Variants in TRAT1 observed in about 807,000 individuals in gnomAD.
TRAT1 encodes the protein T cell receptor associated transmembrane adaptor 1.
In TRAT1, 20 loss-of-function variants were observed where a neutral mutation model predicts 20.0. That is an observed-to-expected ratio of 1.00 (90% confidence interval 0.70 to 1.45). TRAT1 has a LOEUF of 1.45. Among genes scored for constraint, TRAT1 ranks in the 40% most tolerant of loss-of-function variants. TRAT1 has a pLI of 0.00. For synonymous variants in TRAT1, 77 were observed against 74.2 expected (o/e 1.04, Z -0.20); for missense variants, 237 against 224.1 (o/e 1.06, Z -0.37).
At chr3:108,838,219 T>C (rs1198123437) in intron 2 of TRAT1, among the ~76,000 whole-genome samples, 2 of 152,166 alleles carry the variant, frequency 1.3e-5, no homozygotes, top group Non-Finnish European at 2.9e-5. Flanking sequence ...CATTTCTCCT[T>C]CCCACTCCTT....
intron 1 of TRAT1, among the ~76,000 whole-genome samples, chr3:108,823,239 G>A (rs1945708789): frequency 6.6e-6 from 1 of 152,168 alleles, no homozygotes; most frequent in South Asian, 2.1e-4. Flanking sequence ...TGTTGACTAT[G>A]TGTATTCCTC....
At chr3:108,850,235 A>C (rs1945985284) in intron 5 of TRAT1, among the ~76,000 whole-genome samples, 1 of 152,154 alleles carries the variant, frequency 6.6e-6, no homozygotes, top group Admixed American at 6.5e-5. Flanking sequence ...TCACATCTTG[A>C]AAATTTCCCA....
At chr3:108,837,998 C>T (rs1287044679) in intron 2 of TRAT1, among the ~76,000 whole-genome samples, 1 of 152,136 alleles carries the variant, frequency 6.6e-6, no homozygotes, top group African/African-American at 2.4e-5. Context: ...TGGCTTTGAA[C>T]TGCCTCATTC....
intron 2 of TRAT1, among the ~76,000 whole-genome samples, chr3:108,835,182 C>T (rs1576519886): frequency 1.3e-5 from 2 of 152,118 alleles, no homozygotes; most frequent in East Asian, 3.9e-4. Context: ...TATTCTTGTA[C>T]ATAGGAGGGT....
rs184571061 is a variant in TRAT1, at chr3:108,831,372, A to G, written c.118+592A>G. Among the ~76,000 whole-genome samples, 7 of 152,280 alleles carry G rather than the reference A, an allele frequency of 4.6e-5. No homozygotes were observed. In the East Asian group the frequency reaches 1.4e-3, roughly 29 times the overall value. On this transcript the variant is annotated intron_variant, in intron 2 of 5. Coordinates refer to ENST00000295756, the MANE Select transcript of TRAT1 (RefSeq NM_016388.4). ...TTTAACCATGTGGCTTTCAATCTGC[A>G]TATGCCACAACTGAAATGGCCTGAA...
intron 3 of TRAT1, among the ~76,000 whole-genome samples, chr3:108,846,332 G>A (rs962195238): frequency 1.3e-5 from 2 of 152,174 alleles, no homozygotes; most frequent in Non-Finnish European, 2.9e-5. Flanking sequence ...AGTTATTGCT[G>A]ATAGTTGAGA....
intron 1 of TRAT1, among the ~76,000 whole-genome samples, chr3:108,829,617 A>ACACACACACACAC (rs71103494): frequency 9.9e-5 from 15 of 151,162 alleles, no homozygotes; most frequent in South Asian, 2.1e-4. Context: ...ACACACACAC[A>ACACACACACACAC]ACGTTTTGGT....
chr3:108,839,812 C>A (rs1023491545), intron 3 of TRAT1, among the ~76,000 whole-genome samples: 7 of 151,878 alleles, frequency 4.6e-5, no homozygotes, highest in African/African-American at 1.7e-4. Context: ...AGTTATTGAG[C>A]TATTTGCAAA....
Position 108,854,737 on chromosome 3 carries a change from A to C in TRAT1, c.*860A>C, listed in dbSNP as rs1319835398. The C allele has an allele frequency of 6.6e-6, 1 of 152,168 alleles. No homozygotes were observed. Among genetic ancestry groups the C allele is most frequent in the African/African-American group, 2.4e-5 (1 of 41,446 alleles). 9.4% of individuals were successfully genotyped at this position (152,168 alleles called of 1,614,324 possible). On this transcript the variant is annotated 3_prime_UTR_variant, in exon 6 of 6. Transcript: ENST00000295756. ...TATATTGTAATTTTAATGTCTGCTT[A>C]GCACCCCACTGATAACCAAATCACA... is the stretch of plus-strand genomic sequence containing the variant.
intron 2 of TRAT1, among the ~76,000 whole-genome samples, chr3:108,835,173 A>T (rs747417204): frequency 1.8e-4 from 27 of 152,178 alleles, no homozygotes; most frequent in Non-Finnish European, 3.7e-4. Context: ...GCCGTTGTCT[A>T]TTCTTGTACA....
chr3:108,835,909 ATTTATTTATTTAT>A (rs1256659531), intron 2 of TRAT1, among the ~76,000 whole-genome samples: 7 of 10,592 alleles, frequency 6.6e-4, no homozygotes, highest in African/African-American at 9.5e-4. Flanking sequence ...TTATTTATTT[ATTTATTTATTTAT>A]TTATTTATTT....
chr3:108,827,739 A>T (rs1403921619), intron 1 of TRAT1, among the ~76,000 whole-genome samples: 1 of 152,078 alleles, frequency 6.6e-6, no homozygotes, highest in Non-Finnish European at 1.5e-5. Flanking sequence ...TAGAACTTAG[A>T]TTGTGTTTTA....
At chr3:108,851,251 T>C (rs1461488563) in intron 5 of TRAT1, among the ~76,000 whole-genome samples, 2 of 152,224 alleles carry the variant, frequency 1.3e-5, no homozygotes, top group Non-Finnish European at 2.9e-5. Flanking sequence ...ATAGGCTCCT[T>C]GGCCTTTGAA....
At chr3:108,835,242 C>T (rs1289388605) in intron 2 of TRAT1, among the ~76,000 whole-genome samples, 1 of 152,224 alleles carries the variant, frequency 6.6e-6, no homozygotes, top group Non-Finnish European at 1.5e-5. Flanking sequence ...GCATCACACC[C>T]TCTCAACTAC....
intron 3 of TRAT1, among the ~76,000 whole-genome samples, chr3:108,842,737 T>C (rs1472286048): frequency 6.6e-6 from 1 of 152,220 alleles, no homozygotes; most frequent in Non-Finnish European, 1.5e-5. Context: ...GGCAGTTCTT[T>C]CCAGTATCCT....
chr3:108,850,333 T>G (rs184586321), intron 5 of TRAT1, among the ~76,000 whole-genome samples: 1,603 of 151,978 alleles, frequency 0.011, 27 homozygotes, highest in African/African-American at 0.037. Flanking sequence ...GACAGAGTTT[T>G]GCTCTTTGTC....
chr3:108,848,344 A>G (rs1474996615), intron 4 of TRAT1, among the ~76,000 whole-genome samples: 1 of 152,214 alleles, frequency 6.6e-6, no homozygotes, highest in Non-Finnish European at 1.5e-5. Context: ...AAAGAGCTCA[A>G]TGATTATTAA....
At chr3:108,844,921 A>G (rs1331027520) in intron 3 of TRAT1, among the ~76,000 whole-genome samples, 1 of 151,432 alleles carries the variant, frequency 6.6e-6, no homozygotes, top group Non-Finnish European at 1.5e-5. Flanking sequence ...ATAGTAATAG[A>G]TATAATTAAT....
At chr3:108,851,562 CAA>C (rs912320000) in intron 5 of TRAT1, among the ~76,000 whole-genome samples, 1 of 151,574 alleles carries the variant, frequency 6.6e-6, no homozygotes, top group African/African-American at 2.4e-5. Context: ...GAACTTTTCT[CAA>C]GTTTCCATTT....
Sources: gnomAD v4.1 joint callset for allele counts (sites outside exome capture counted in the v4.1 genomes callset) on GRCh38, gnomAD v4.1.1 for gene constraint, MANE v1.5 for transcripts, NCBI Gene and HGNC (gene_info 2026-07-23, HGNC 2026-07-21) for gene names.